Variants in SYCP1 observed in about 807,000 individuals in gnomAD.
The protein encoded by SYCP1 is synaptonemal complex protein 1.
Under a neutral mutation model 153.1 loss-of-function variants are expected in SYCP1, and 64 were observed. That is an observed-to-expected ratio of 0.42 (90% CI 0.34 to 0.51). The LOEUF is 0.51. Ranked by LOEUF, SYCP1 falls within the 20% of genes least tolerant of loss-of-function variation. The probability of loss-of-function intolerance (pLI) is 0.06; values close to 1 mark genes in which losing one functional copy is unlikely to be tolerated. For missense variants in SYCP1, 997 were observed against 1,049.0 expected, an observed-to-expected ratio of 0.95 and a Z score of 0.68; for synonymous variants, 384 against 341.8, an observed-to-expected ratio of 1.12 and a Z score of -1.36.
intron 14 of SYCP1, among the ~76,000 whole-genome samples, chr1:114,887,048 G>A (rs1348593748): frequency 6.6e-6 from 1 of 151,998 alleles, no homozygotes; most frequent in East Asian, 1.9e-4. Flanking sequence ...CCATAGCCGG[G>A]GCCTAGCAAT....
intron 8 of SYCP1, among the ~76,000 whole-genome samples, chr1:114,861,811 T>C (rs1664394920): frequency 6.6e-6 from 1 of 151,194 alleles, no homozygotes; most frequent in South Asian, 2.1e-4. Flanking sequence ...TTTTTTTTTT[T>C]TTTTTGAGAT....
chr1:114,985,738 T>G (rs1045562633), intron 30 of SYCP1, among the ~76,000 whole-genome samples: 9 of 151,830 alleles, frequency 5.9e-5, no homozygotes, highest in Non-Finnish European at 1.0e-4. Context: ...TATAGATAAT[T>G]ATCAACATCT....
Position 114,960,270 on chromosome 1 carries a change from T to C in SYCP1, c.2322+12950T>C, listed in dbSNP as rs1375414182. Among the ~76,000 whole-genome samples the C allele has an allele frequency of 2.7e-5, 4 of 148,910 alleles. No individual in the cohort carries two copies. In the South Asian group the frequency reaches 6.3e-4, roughly 24 times the overall value. On this transcript the variant is annotated intron_variant, in intron 27 of 31. Transcript: ENST00000369522. ...GCAACCTCCACCTCCTGGGTTCAAG[T>C]GATTCTCCTGCCTCAGCCTCCCGAG... is the stretch of plus-strand genomic sequence containing the variant.
intron 3 of SYCP1, 65 bp from the exon 4 acceptor site, chr1:114,857,167 G>GAAA: frequency 1.3e-5 from 7 of 558,502 alleles, no homozygotes; most frequent in South Asian, 3.3e-5. Flanking sequence ...AGAGAAAAAA[G>GAAA]AAAAAAAAAA....
rs556954475 is a variant in SYCP1 at position 114,886,683 on chromosome 1, C to T, written c.1190+374C>T. ...GGTTTATCTTACTGAGGTCTGTAGACCTTTCTGATTTATAAATTTAGCAGC... is the reference window on the plus strand; with the variant it reads ...GGTTTATCTTACTGAGGTCTGTAGATCTTTCTGATTTATAAATTTAGCAGC... On this transcript the variant is annotated intron_variant, in intron 14 of 31. Transcript: ENST00000369522. 5.9e-5 allele frequency among the ~76,000 whole-genome samples: 9 copies of T among 152,124 alleles called. No individual in the cohort carries two copies. In the East Asian group the frequency reaches 1.7e-3, roughly 29 times the overall value.
intron 12 of SYCP1, among the ~76,000 whole-genome samples, chr1:114,880,986 G>C (rs553987683): frequency 4.2e-4 from 63 of 150,494 alleles, no homozygotes; most frequent in African/African-American, 1.5e-3. Flanking sequence ...AAAAATTTAA[G>C]TAGATAACAA....
At chr1:114,914,387 T>C (rs1668380984) in intron 20 of SYCP1, among the ~76,000 whole-genome samples, 1 of 151,742 alleles carries the variant, frequency 6.6e-6, no homozygotes, top group Non-Finnish European at 1.5e-5. Context: ...AATACTAGAG[T>C]ATTTATACCC....
At chr1:114,869,199 C>G (rs1437930463) in intron 8 of SYCP1, among the ~76,000 whole-genome samples, 1 of 152,068 alleles carries the variant, frequency 6.6e-6, no homozygotes, top group Non-Finnish European at 1.5e-5. Flanking sequence ...CTCAGTTTTT[C>G]CTGTATCGCA....
At chr1:114,991,976 A>G (rs1356857173) in intron 30 of SYCP1, among the ~76,000 whole-genome samples, 5 of 151,854 alleles carry the variant, frequency 3.3e-5, no homozygotes, top group African/African-American at 4.8e-5. Flanking sequence ...ATATCAACAT[A>G]CAAAAATTGA....
chr1:114,933,248 A>G (rs638803), intron 23 of SYCP1, among the ~76,000 whole-genome samples: 94,442 of 152,036 alleles, frequency 0.62, 29,635 homozygotes, highest in African/African-American at 0.67. Context: ...AATATTCACT[A>G]TTCTGCAGCC....
intron 14 of SYCP1, among the ~76,000 whole-genome samples, chr1:114,886,711 G>T (rs1223276764): frequency 6.6e-6 from 1 of 151,972 alleles, no homozygotes. Context: ...TTAGCAGCTA[G>T]CCTGGCATAG....
At chr1:114,952,056 T>C (rs144164084) in intron 27 of SYCP1, among the ~76,000 whole-genome samples, 2,397 of 152,188 alleles carry the variant, frequency 0.016, 31 homozygotes, top group South Asian at 0.032. Flanking sequence ...AGTTTAAGAG[T>C]TTGCCCAGTC....
intron 8 of SYCP1, among the ~76,000 whole-genome samples, chr1:114,867,419 T>G (rs1206666141): frequency 6.6e-6 from 1 of 152,162 alleles, no homozygotes. Context: ...TAATTATTAT[T>G]TGATTGTTTT....
chr1:114,944,265 C>G (rs935260904), intron 23 of SYCP1, 74 bp from the exon 24 acceptor site: 3 of 873,102 alleles, frequency 3.4e-6, no homozygotes, highest in Non-Finnish European at 1.8e-6. Flanking sequence ...CACAAAACCA[C>G]AAAATGAATA....
intron 27 of SYCP1, among the ~76,000 whole-genome samples, chr1:114,949,232 C>T (rs1023750168): frequency 2.0e-5 from 3 of 152,080 alleles, no homozygotes; most frequent in Non-Finnish European, 4.4e-5. Context: ...GGTGGATAAG[C>T]CCTGCCTTGG....
At chr1:114,983,091 CACTTAG>C (rs1433255487) in intron 29 of SYCP1, among the ~76,000 whole-genome samples, 4 of 151,976 alleles carry the variant, frequency 2.6e-5, no homozygotes, top group Admixed American at 2.6e-4. Flanking sequence ...ATGCTTTCAA[CACTTAG>C]CCAGGTAGTT....
chr1:114,878,012 A>G (rs1665660115), intron 11 of SYCP1, 82 bp from the exon 12 acceptor site: 4 of 818,112 alleles, frequency 4.9e-6, no homozygotes, highest in Admixed American at 2.9e-5. Flanking sequence ...AGACAAGTAC[A>G]TAAAATAATT....
intron 20 of SYCP1, among the ~76,000 whole-genome samples, chr1:114,921,733 G>C (rs760137682): frequency 1.7e-4 from 26 of 151,754 alleles, no homozygotes; most frequent in Admixed American, 3.3e-4. Context: ...TGTTACCAGT[G>C]AGTTGTGTAT....
intron 8 of SYCP1, among the ~76,000 whole-genome samples, chr1:114,866,669 C>T (rs565308932): frequency 8.6e-5 from 13 of 151,874 alleles, no homozygotes; most frequent in Non-Finnish European, 1.8e-4. Context: ...CTTGTATTCT[C>T]ATTCTCTTGA....
Sources: allele counts gnomAD v4.1 joint callset (sites outside exome capture counted in the v4.1 genomes callset), GRCh38; gene constraint gnomAD v4.1.1; transcripts MANE v1.5; gene names NCBI Gene and HGNC (gene_info 2026-07-23, HGNC 2026-07-21).